The following SH3GL2 variants were observed in gnomAD, a reference collection of about 807,000 sequenced individuals.
The protein encoded by SH3GL2 is SH3 domain containing GRB2 like 2, endophilin A1.
A neutral mutation model predicts 46.0 loss-of-function variants in SH3GL2; 24 were observed. The ratio of observed to expected loss-of-function variants is 0.52; its 90% CI spans 0.38 to 0.73. SH3GL2 has a LOEUF of 0.73. SH3GL2 is among the 30% of genes least tolerant of loss of function. The pLI is 0.00. For missense variants in SH3GL2, 413 were observed against 424.2 expected, an observed-to-expected ratio of 0.97 and a Z score of 0.23; for synonymous variants, 196 against 147.1, an observed-to-expected ratio of 1.33 and a Z score of -2.40.
chr9:17,755,175 A>T (rs1174116448), intron 2 of SH3GL2, among the ~76,000 whole-genome samples: 2 of 152,176 alleles, frequency 1.3e-5, no homozygotes. Context: ...TACCTAGCTC[A>T]TTGGGACTTT....
intron 1 of SH3GL2, among the ~76,000 whole-genome samples, chr9:17,614,324 T>A (rs1229512381): frequency 0.012 from 512 of 41,258 alleles, no homozygotes; most frequent in Middle Eastern, 0.017. Context: ...AAAAAAAAAA[T>A]CCTTGCCCCT....
At chr9:17,663,893 C>G (rs1037154807) in intron 1 of SH3GL2, among the ~76,000 whole-genome samples, 1 of 152,108 alleles carries the variant, frequency 6.6e-6, no homozygotes, top group African/African-American at 2.4e-5. Context: ...ACTTCATGAA[C>G]TTATTGTTCT....
intron 1 of SH3GL2, among the ~76,000 whole-genome samples, chr9:17,722,110 G>A (rs1300695270): frequency 6.6e-6 from 1 of 152,056 alleles, no homozygotes; most frequent in Non-Finnish European, 1.5e-5. Context: ...AAGGTGGTGA[G>A]GAAGTGAAAG....
intron 1 of SH3GL2, chr9:17,735,840 C>A: frequency 2.1e-6 from 1 of 487,338 alleles, no homozygotes; most frequent in Non-Finnish European, 2.7e-6. Context: ...AGGGACATTA[C>A]TCTGCGTATA....
chr9:17,782,742 T>G (rs1462849480), intron 3 of SH3GL2, among the ~76,000 whole-genome samples: 3 of 152,120 alleles, frequency 2.0e-5, no homozygotes, highest in Admixed American at 2.0e-4. Flanking sequence ...GAAAAAATGA[T>G]GTATACAGAA....
At chr9:17,757,243 G>T (rs952206654) in intron 2 of SH3GL2, among the ~76,000 whole-genome samples, 10 of 152,270 alleles carry the variant, frequency 6.6e-5, no homozygotes, top group African/African-American at 2.4e-4. Flanking sequence ...ATAGGCATGG[G>T]CAAGGCATTA....
intron 1 of SH3GL2, among the ~76,000 whole-genome samples, chr9:17,706,415 A>G (rs1821474674): frequency 6.6e-6 from 1 of 152,078 alleles, no homozygotes; most frequent in Non-Finnish European, 1.5e-5. Flanking sequence ...CTCTTCATGA[A>G]CTTTCCTGTC....
At chr9:17,724,603 A>G (rs747795602) in intron 1 of SH3GL2, among the ~76,000 whole-genome samples, 3 of 151,904 alleles carry the variant, frequency 2.0e-5, no homozygotes, top group Non-Finnish European at 4.4e-5. Context: ...ATGTGTGTGT[A>G]TGTGTTTGAA....
chr9:17,645,182 T>TTTTTTTTTTTTTTTTTTTTTTTTTTTTA (rs1819781790), intron 1 of SH3GL2, among the ~76,000 whole-genome samples: 5 of 72,704 alleles, frequency 6.9e-5, no homozygotes, highest in Non-Finnish European at 1.4e-4. Flanking sequence ...TTTTTTTTTT[T>TTTTTTTTTTTTTTTTTTTTTTTTTTTTA]GCTTTCCATT....
intron 1 of SH3GL2, among the ~76,000 whole-genome samples, chr9:17,698,859 T>A (rs1162105398): frequency 3.3e-5 from 5 of 152,028 alleles, no homozygotes; most frequent in Non-Finnish European, 4.4e-5. Flanking sequence ...TGCAAATTAT[T>A]AAAAAATCAA....
chr9:17,762,396 G>T, intron 3 of SH3GL2, among the ~76,000 whole-genome samples: 1 of 81,898 alleles, frequency 1.2e-5, no homozygotes, highest in Admixed American at 1.3e-4. Flanking sequence ...GTGGACAAGT[G>T]ATCAAAAAAA....
chr9:17,658,118 C>G (rs1820133024), intron 1 of SH3GL2, among the ~76,000 whole-genome samples: 1 of 152,170 alleles, frequency 6.6e-6, no homozygotes. Flanking sequence ...TTCTGGCATT[C>G]AAATAATATA....
At chr9:17,733,338 C>T (rs972502488) in intron 1 of SH3GL2, among the ~76,000 whole-genome samples, 2 of 151,666 alleles carry the variant, frequency 1.3e-5, no homozygotes, top group Non-Finnish European at 2.9e-5. Flanking sequence ...AGGTTAGTTA[C>T]ATATGTATAC....
At chr9:17,688,157 G>C (rs936079485) in intron 1 of SH3GL2, among the ~76,000 whole-genome samples, 4 of 152,092 alleles carry the variant, frequency 2.6e-5, no homozygotes, top group Admixed American at 6.6e-5. Flanking sequence ...TTAGCAATGG[G>C]TGCCTCATGT....
At chr9:17,690,589 A>C (rs539042183) in intron 1 of SH3GL2, among the ~76,000 whole-genome samples, 1 of 152,262 alleles carries the variant, frequency 6.6e-6, no homozygotes, top group Admixed American at 6.5e-5. Flanking sequence ...GCTAAGCCCA[A>C]GACAGGTGTT....
intron 1 of SH3GL2, among the ~76,000 whole-genome samples, chr9:17,616,143 A>G (rs892865621): frequency 1.3e-5 from 2 of 152,204 alleles, no homozygotes; most frequent in African/African-American, 4.8e-5. Flanking sequence ...AAATATATTT[A>G]CTAAGCTGTT....
At chr9:17,745,594 G>C (rs1429025223) in intron 1 of SH3GL2, among the ~76,000 whole-genome samples, 2 of 152,068 alleles carry the variant, frequency 1.3e-5, no homozygotes, top group Non-Finnish European at 2.9e-5. Flanking sequence ...ATTCCAACTT[G>C]TGGCTGTCCT....
At chr9:17,688,236 G>A (rs1820976276) in intron 1 of SH3GL2, among the ~76,000 whole-genome samples, 1 of 152,062 alleles carries the variant, frequency 6.6e-6, no homozygotes, top group Admixed American at 6.6e-5. Context: ...GCATCACAAT[G>A]TGGCAGCCTT....
chr9:17,641,367 T>A (rs527659219), intron 1 of SH3GL2, among the ~76,000 whole-genome samples: 66 of 152,318 alleles, frequency 4.3e-4, no homozygotes, highest in East Asian at 1.7e-3. Flanking sequence ...ATAGTTTTTT[T>A]AAAATAAATT....
Sources: allele counts gnomAD v4.1 joint callset (sites outside exome capture counted in the v4.1 genomes callset), GRCh38; gene constraint gnomAD v4.1.1; transcripts MANE v1.5; gene names NCBI Gene and HGNC (gene_info 2026-07-23, HGNC 2026-07-21).